The following ADAR variants were observed in gnomAD, a reference collection of about 807,000 sequenced individuals.
ADAR encodes double-stranded RNA-specific adenosine deaminase.
ADAR carries 41 observed loss-of-function variants against 113.2 expected under a neutral mutation model. The ratio of observed to expected loss-of-function variants is 0.36; its 90% CI spans 0.28 to 0.47. The LOEUF (loss-of-function observed/expected upper bound fraction) is 0.47. Ranked by LOEUF, ADAR falls within the 20% of genes least tolerant of loss-of-function variation. The pLI, the probability that ADAR is intolerant of heterozygous loss-of-function variation, is 1.00. For synonymous variants in ADAR, 605 were observed against 572.6 expected (o/e 1.06, Z -0.81); for missense variants, 1,242 against 1,540.9 (o/e 0.81, Z 3.25).
At chr1:154,613,560 C>T (rs1206989997) in intron 1 of ADAR, among the ~76,000 whole-genome samples, 1 of 152,094 alleles carries the variant, frequency 6.6e-6, no homozygotes, top group African/African-American at 2.4e-5. Context: ...GCTGGGATTA[C>T]AGGCGTGAAC....
intron 1 of ADAR, among the ~76,000 whole-genome samples, chr1:154,605,055 C>T (rs1698102903): frequency 6.6e-6 from 1 of 152,214 alleles, no homozygotes; most frequent in Non-Finnish European, 1.5e-5. Context: ...AGGCTAGAAA[C>T]CTGCGTCATC....
intron 6 of ADAR, among the ~76,000 whole-genome samples, chr1:154,594,998 T>C (rs1235389176): frequency 2.0e-5 from 3 of 152,180 alleles, no homozygotes; most frequent in Non-Finnish European, 2.9e-5. Context: ...AAATCACACA[T>C]ATGACAGGGG....
Position 154,584,980 on chromosome 1 carries a change from G to GC in ADAR, c.3506dup (p.Cys1169TrpfsTer16). On this transcript the variant is annotated frameshift_variant, in exon 15 of 15. Coordinates refer to ENST00000368474, the MANE Select transcript of ADAR (RefSeq NM_001111.5). LOFTEE classifies it high-confidence loss of function. ...GTAGATCCCTGCGGTAACGGAAGGA[G>GC]CAGAGCTTCTTAAATAGAAGAAAAA... The GC allele has an allele frequency of 6.2e-7, 1 of 1,614,194 alleles. No homozygotes were observed. Among genetic ancestry groups the GC allele is most frequent in the Non-Finnish European group, 8.5e-7 (1 of 1,180,042 alleles).
At chr1:154,591,940 G>A (rs1199845720) in intron 6 of ADAR, among the ~76,000 whole-genome samples, 1 of 152,204 alleles carries the variant, frequency 6.6e-6, no homozygotes, top group East Asian at 1.9e-4. Context: ...GACAGATTGT[G>A]TAGTATCTTT....
upstream of ADAR, among the ~76,000 whole-genome samples, chr1:154,612,858 T>C (rs558724225): frequency 2.3e-3 from 347 of 151,636 alleles, 2 homozygotes; most frequent in African/African-American, 8.0e-3. Flanking sequence ...GTTGCCCAGG[T>C]TGGAGTGCAG....
At chr1:154,588,510 C>T in intron 10 of ADAR, 41 bp downstream of exon 10, 7 of 1,611,474 alleles carry the variant, frequency 4.3e-6, no homozygotes, top group Non-Finnish European at 5.9e-6. Context: ...TTCTAACAGC[C>T]TGGCAGGGCC....
At chr1:154,625,036 T>C (rs1006424454) in intron 1 of ADAR, among the ~76,000 whole-genome samples, 1 of 152,218 alleles carries the variant, frequency 6.6e-6, no homozygotes, top group Non-Finnish European at 1.5e-5. Flanking sequence ...GATTTCTTTT[T>C]TCCACAAGCA....
Position 154,596,953 on chromosome 1 carries a change from T to G in ADAR, c.2122A>C (p.Met708Leu), listed in dbSNP as rs548493468. The G allele has an allele frequency of 6.2e-7, 1 of 1,614,170 alleles. No individual in the cohort carries two copies. The highest frequency in any genetic ancestry group is 1.7e-5 in the Admixed American group (1 of 60,026). ...ISESLDNLES[M>L]MPNKVRKIGE... ...ATCTTCCTGACCTTGTTGGGCATCATGGATTCCAAGTTATCAAGTGACTCT... is the reference window on the plus strand; with the variant it reads ...ATCTTCCTGACCTTGTTGGGCATCAGGGATTCCAAGTTATCAAGTGACTCT... The change falls in exon 6 of 15, where the codon ATG (methionine) becomes CTG (leucine). Residue 708 changes from methionine (M) to leucine (L), a missense_variant. Transcript: ENST00000368474.
chr1:154,603,761 T>C (rs1419950621), intron 1 of ADAR, among the ~76,000 whole-genome samples: 2 of 152,076 alleles, frequency 1.3e-5, no homozygotes, highest in African/African-American at 2.4e-5. Flanking sequence ...CTGGGGCTTG[T>C]AGACTGGGAG....
In ADAR at chr1:154,586,257, G is replaced by A. The variant is rs770032204; in HGVS notation, c.3126C>T (p.Arg1042=). 6.2e-7 allele frequency: 1 copy of A among 1,614,230 alleles called. No individual in the cohort carries two copies. Among genetic ancestry groups the A allele is most frequent in the South Asian group, 1.1e-5 (1 of 91,086 alleles). The part of the protein sequence containing the change: ...RTMSCSDKIL[R]WNVLGLQGAL... ...CCCCTTGCAGGCCCAGCACGTTCCA[G>A]CGTAGGATTTTGTCACTACAGGACA... is the stretch of plus-strand genomic sequence containing the variant. Residue 1042 remains arginine, a synonymous_variant, in exon 12 of 15, where the codon CGC becomes CGT. Coordinates refer to ENST00000368474, the MANE Select transcript of ADAR (RefSeq NM_001111.5).
In ADAR at chr1:154,584,802, C is replaced by CA; in HGVS notation, c.*3dup. On this transcript the variant is annotated 3_prime_UTR_variant, in exon 15 of 15. Coordinates refer to ENST00000368474, the MANE Select transcript of ADAR (RefSeq NM_001111.5). Reference sequence around the variant, plus strand: ...CACCCTAATCCATCTGTCACTGGAGCATACTATACTGGGCAGAGATAAAAG... The same window carrying CA: ...CACCCTAATCCATCTGTCACTGGAGCAATACTATACTGGGCAGAGATAAAAG... 1.2e-6 allele frequency: 2 copies of CA among 1,609,516 alleles called. No individual in the cohort carries two copies. The highest frequency in any genetic ancestry group is 1.7e-6 in the Non-Finnish European group (2 of 1,176,188).
intron 1 of ADAR, among the ~76,000 whole-genome samples, chr1:154,624,070 G>A (rs1190997087): frequency 6.6e-6 from 1 of 151,846 alleles, no homozygotes; most frequent in African/African-American, 2.4e-5. Flanking sequence ...TAAAGAAAAC[G>A]GAGCCGAAAA....
intron 1 of ADAR, among the ~76,000 whole-genome samples, chr1:154,613,274 C>G (rs1042425261): frequency 1.5e-5 from 2 of 136,040 alleles, no homozygotes; most frequent in African/African-American, 5.3e-5. Context: ...TTAATGATCA[C>G]AAATGGCTTT....
In ADAR at chr1:154,602,569, G is replaced by A. The variant is rs1476700978; in HGVS notation, c.73C>T (p.Leu25Phe). Residue 25 changes from leucine to phenylalanine, a missense_variant, in exon 2 of 15, where the codon CTC (leucine) becomes TTC (phenylalanine). Coordinates refer to ENST00000368474, the MANE Select transcript of ADAR (RefSeq NM_001111.5). ...CCTGGCCCAGGCTGCTGGTACCTGAGCTGTCTGTGCTCATAGCCTTGAAAT... is the reference window on the plus strand; with the variant it reads ...CCTGGCCCAGGCTGCTGGTACCTGAACTGTCTGTGCTCATAGCCTTGAAAT... ...HPFQGYEHRQ[L>F]RYQQPGPGSS... 1.2e-6 allele frequency: 2 copies of A among 1,614,204 alleles called. No homozygotes were observed. The highest frequency in any genetic ancestry group is 4.5e-5 in the East Asian group (2 of 44,888).
chr1:154,626,821 C>A (rs1350710050), intron 1 of ADAR, among the ~76,000 whole-genome samples: 3 of 152,202 alleles, frequency 2.0e-5, no homozygotes, highest in African/African-American at 7.2e-5. Context: ...CACTCTATTT[C>A]CCTTTTTCCC....
chr1:154,608,062 C>A lies in ADAR; in HGVS notation c.-56G>T, dbSNP rs886109738. 2.8e-4 allele frequency: 433 copies of A among 1,524,060 alleles called. No individual in the cohort carries two copies. Among genetic ancestry groups the A allele is most frequent in the Admixed American group, 5.4e-4 (25 of 46,542 alleles). 94.4% of individuals were successfully genotyped at this position (1,524,060 alleles called of 1,614,324 possible). A position where few individuals can be genotyped will look rare whatever the true frequency, so the allele number is the denominator to read the frequency against. On this transcript the variant is annotated 5_prime_UTR_variant, in exon 1 of 15. Transcript: ENST00000368474. Reference sequence around the variant, plus strand: ...CGCCGGCGGCACGACCCTGGCCCGACCGCTGGGCCGCGCCAGCCCCTCGAG... The same window carrying A: ...CGCCGGCGGCACGACCCTGGCCCGAACGCTGGGCCGCGCCAGCCCCTCGAG...
intron 1 of ADAR, among the ~76,000 whole-genome samples, chr1:154,617,687 T>C (rs1030302029): frequency 6.6e-6 from 1 of 152,352 alleles, no homozygotes; most frequent in East Asian, 1.9e-4. Context: ...GATATTGGAA[T>C]ATGAATTACA....
intron 6 of ADAR, among the ~76,000 whole-genome samples, chr1:154,595,626 G>A (rs1002623866): frequency 2.6e-5 from 4 of 151,640 alleles, no homozygotes; most frequent in African/African-American, 4.8e-5. Context: ...ATTACAAAAG[G>A]AACAAAAAAT....
rs529646280 is a variant in ADAR, at chr1:154,597,186, G to A, written c.2016C>T (p.Ala672=). The A allele has an allele frequency of 1.2e-5, 19 of 1,614,052 alleles. No individual in the cohort carries two copies. Among genetic ancestry groups the A allele is most frequent in the South Asian group, 2.2e-5 (2 of 91,080 alleles). Residue 672 remains alanine, a synonymous_variant, in exon 5 of 15, where the codon GCC becomes GCT. Coordinates refer to ENST00000368474, the MANE Select transcript of ADAR (RefSeq NM_001111.5). ...GCAGGGCCTTCATGGCTTCCTCTGC[G>A]GCCATCTGCTTTGCCACTTTCTTGC... ...APSKKVAKQM[A]AEEAMKALHG...
Sources: allele counts gnomAD v4.1 joint callset (sites outside exome capture counted in the v4.1 genomes callset), GRCh38; gene constraint gnomAD v4.1.1; transcripts MANE v1.5; gene names NCBI Gene and HGNC (gene_info 2026-07-23, HGNC 2026-07-21).